Variants in ASZ1 observed in about 807,000 individuals in gnomAD.
ASZ1 encodes the protein ankyrin repeat, SAM and basic leucine zipper domain containing 1, also known as ankyrin repeat, SAM and basic leucine zipper domain-containing protein 1.
Under a neutral mutation model 61.8 loss-of-function variants are expected in ASZ1, and 67 were observed. That is an observed-to-expected ratio of 1.08 (90% CI 0.89 to 1.33). ASZ1 has a LOEUF of 1.33. Among genes scored for constraint, ASZ1 ranks in the 40% most tolerant of loss-of-function variants. The pLI is 0.00. For missense variants in ASZ1, 577 were observed against 554.5 expected, an observed-to-expected ratio of 1.04 and a Z score of -0.41; for synonymous variants, 193 against 192.7, an observed-to-expected ratio of 1.00 and a Z score of -0.01.
chr7:117,412,252 C>T (rs1057487133), intron 4 of ASZ1, among the ~76,000 whole-genome samples: 1 of 151,706 alleles, frequency 6.6e-6, no homozygotes, highest in Non-Finnish European at 1.5e-5. Context: ...TATCTTATGA[C>T]AAAATGTCTT....
intron 8 of ASZ1, 109 bp downstream of exon 8, chr7:117,381,960 G>A (rs1796262224): frequency 1.4e-6 from 1 of 707,574 alleles, no homozygotes; most frequent in Non-Finnish European, 2.4e-6. Context: ...ATGGTGAAAA[G>A]TAAATTGGCA....
intron 4 of ASZ1, among the ~76,000 whole-genome samples, chr7:117,419,405 C>G (rs1797058704): frequency 6.6e-6 from 1 of 152,076 alleles, no homozygotes; most frequent in Admixed American, 6.5e-5. Context: ...AAAAAAACTT[C>G]CAGAGTGTAG....
chr7:117,364,549 T>C (rs1393579261), intron 12 of ASZ1, among the ~76,000 whole-genome samples: 1 of 151,476 alleles, frequency 6.6e-6, no homozygotes, highest in Non-Finnish European at 1.5e-5. Flanking sequence ...AAACCAAAGA[T>C]CCTTGAAAGA....
intron 4 of ASZ1, among the ~76,000 whole-genome samples, chr7:117,415,714 C>A (rs1584741688): frequency 1.3e-5 from 2 of 150,556 alleles, no homozygotes; most frequent in African/African-American, 4.9e-5. Flanking sequence ...TGAAAGAAAA[C>A]TGAAAAAAAT....
intron 4 of ASZ1, among the ~76,000 whole-genome samples, chr7:117,387,817 C>T (rs774651001): frequency 3.9e-5 from 6 of 152,210 alleles, no homozygotes; most frequent in Non-Finnish European, 8.8e-5. Context: ...TGTGCAAGTG[C>T]TCTTGCCTGT....
At chr7:117,421,070 A>C (rs903525516) in intron 3 of ASZ1, among the ~76,000 whole-genome samples, 1 of 152,250 alleles carries the variant, frequency 6.6e-6, no homozygotes, top group African/African-American at 2.4e-5. Context: ...TCATGTGTAC[A>C]TTCTGTGAAA....
intron 10 of ASZ1, among the ~76,000 whole-genome samples, chr7:117,369,244 G>A (rs1448818755): frequency 6.6e-6 from 1 of 152,116 alleles, no homozygotes; most frequent in Admixed American, 6.6e-5. Flanking sequence ...AGTAGGTAAG[G>A]AAGAGATTCT....
At chr7:117,386,767 A>G (rs936238673) in intron 4 of ASZ1, among the ~76,000 whole-genome samples, 3 of 152,208 alleles carry the variant, frequency 2.0e-5, no homozygotes, top group African/African-American at 7.2e-5. Context: ...GCATAAGGTT[A>G]TACCCTGAAA....
chr7:117,420,148 T>C lies in ASZ1; in HGVS notation c.440+15A>G, dbSNP rs1797073261. On this transcript the variant is annotated intron_variant, in intron 4 of 12. Transcript: ENST00000284629. The stretch of plus-strand genomic sequence containing the variant: ...TAATTTGACTTGAATTTTGAACAGA[T>C]ATAAAGGCTCTTACCTACAAGCAAC... The C allele has an allele frequency of 1.3e-6, 2 of 1,584,180 alleles. No individual in the cohort carries two copies. Among genetic ancestry groups the C allele is most frequent in the South Asian group, 1.1e-5 (1 of 89,212 alleles).
At position 117,385,723 on chromosome 7, in the gene ASZ1, T is replaced by G; in HGVS notation, c.527A>C (p.Asn176Thr). Residue 176 changes from asparagine (N) to threonine (T), a missense_variant, in exon 5 of 13, where the codon AAT becomes ACT. Transcript: ENST00000284629. ...AGTGTAACCATTCTCATCCTGGGTATTAACTTCTGCTCCATGAGCAACAAG... is the reference window on the plus strand; with the variant it reads ...AGTGTAACCATTCTCATCCTGGGTAGTAACTTCTGCTCCATGAGCAACAAG... ...ALLVAHGAEV[N>T]TQDENGYTAL... The G allele has an allele frequency of 6.2e-7, 1 of 1,610,968 alleles. No homozygotes were observed. Among genetic ancestry groups the G allele is most frequent in the East Asian group, 2.2e-5 (1 of 44,832 alleles).
intron 4 of ASZ1, among the ~76,000 whole-genome samples, chr7:117,396,081 G>A (rs181011738): frequency 8.5e-5 from 13 of 152,300 alleles, no homozygotes; most frequent in Non-Finnish European, 1.8e-4. Flanking sequence ...GCTTAGACAA[G>A]TTTCTTAAAC....
intron 4 of ASZ1, among the ~76,000 whole-genome samples, chr7:117,411,345 G>T (rs774698992): frequency 6.6e-6 from 1 of 151,538 alleles, no homozygotes; most frequent in Non-Finnish European, 1.5e-5. Flanking sequence ...ATGATAATGG[G>T]GCAATTTATT....
chr7:117,425,259 C>CTTTTTTTTTTTTTTTTTTTTTT, intron 2 of ASZ1, among the ~76,000 whole-genome samples: 1 of 93,858 alleles, frequency 1.1e-5, no homozygotes, highest in Non-Finnish European at 2.0e-5. Context: ...TGAGTAATTT[C>CTTTTTTTTTTTTTTTTTTTTTT]TTTTTTTTTT....
chr7:117,389,755 C>T (rs1245683672), intron 4 of ASZ1, among the ~76,000 whole-genome samples: 1 of 152,172 alleles, frequency 6.6e-6, no homozygotes, highest in Admixed American at 6.5e-5. Flanking sequence ...TTCATTTAGC[C>T]CAAAAAGTTG....
intron 10 of ASZ1, among the ~76,000 whole-genome samples, chr7:117,373,362 C>T (rs1020725128): frequency 2.6e-5 from 4 of 152,078 alleles, no homozygotes; most frequent in Admixed American, 6.6e-5. Context: ...GCACACCCCA[C>T]GGCATTGGCT....
intron 4 of ASZ1, among the ~76,000 whole-genome samples, chr7:117,415,965 T>C (rs1455806390): frequency 6.6e-6 from 1 of 152,062 alleles, no homozygotes; most frequent in African/African-American, 2.4e-5. Flanking sequence ...CCAAGGCAGG[T>C]GGATCACTTA....
At chr7:117,364,500 G>A (rs1207239365) in intron 12 of ASZ1, among the ~76,000 whole-genome samples, 1 of 151,788 alleles carries the variant, frequency 6.6e-6, no homozygotes, top group African/African-American at 2.4e-5. Context: ...AGAGGAGAGG[G>A]ATGGCTTTTG....
chr7:117,382,187 AAT>A, intron 7 of ASZ1, 43 bp from the exon 8 acceptor site: 1 of 1,142,356 alleles, frequency 8.8e-7, no homozygotes, highest in Non-Finnish European at 1.3e-6. Context: ...ACAGATTATA[AAT>A]GCACAAGCGA....
Position 117,384,821 on chromosome 7 carries a change from C to T in ASZ1, c.592G>A (p.Val198Ile). Residue 198 changes from valine to isoleucine, a missense_variant, in exon 6 of 13, where the codon GTT becomes ATT. Physicochemically the swap from Val to Ile is conservative, Grantham distance 29. Transcript: ENST00000284629. Reference sequence around the variant, plus strand: ...GCTCCAAGTTCAAGCAACTTCAAAACTATATTTTTATGACCCTGACGTGCT... The same window carrying T: ...GCTCCAAGTTCAAGCAACTTCAAAATTATATTTTTATGACCCTGACGTGCT... The part of the protein sequence containing the change: ...WAARQGHKNI[V>I]LKLLELGANK... 1.2e-6 allele frequency: 2 copies of T among 1,608,634 alleles called. No homozygotes were observed. Among genetic ancestry groups the T allele is most frequent in the Non-Finnish European group, 1.7e-6 (2 of 1,178,218 alleles).
Sources: allele counts gnomAD v4.1 joint callset (sites outside exome capture counted in the v4.1 genomes callset), GRCh38; gene constraint gnomAD v4.1.1; transcripts MANE v1.5; gene names NCBI Gene and HGNC (gene_info 2026-07-23, HGNC 2026-07-21).